SLC39A10: variants seen among roughly 807,000 people sequenced by gnomAD.
SLC39A10 encodes the protein solute carrier family 39 member 10.
Under a neutral mutation model 65.1 loss-of-function variants are expected in SLC39A10, and 13 were observed. The ratio of observed to expected loss-of-function variants is 0.20; its 90% CI spans 0.13 to 0.32. The LOEUF (loss-of-function observed/expected upper bound fraction) is 0.32, where lower values mean the gene tolerates loss of function less well. Ranked by LOEUF, SLC39A10 falls within the 10% of genes least tolerant of loss-of-function variation. SLC39A10 has a pLI of 1.00. For missense variants in SLC39A10, 831 were observed against 1,018.4 expected, an observed-to-expected ratio of 0.82 and a Z score of 2.50; for synonymous variants, 321 against 342.2, an observed-to-expected ratio of 0.94 and a Z score of 0.68.
intron 2 of SLC39A10, among the ~76,000 whole-genome samples, chr2:195,642,317 T>C (rs1688827657): frequency 6.6e-6 from 1 of 152,164 alleles, no homozygotes. Context: ...TGTAACAGAA[T>C]TGTAAGAGAA....
At chr2:195,619,795 G>A (rs6742580) in intron 2 of SLC39A10, among the ~76,000 whole-genome samples, 5,420 of 152,236 alleles carry the variant, frequency 0.036, 230 homozygotes, top group African/African-American at 0.092. Flanking sequence ...GGAAGCATGA[G>A]GTGGTCTTAG....
intron 1 of SLC39A10, among the ~76,000 whole-genome samples, chr2:195,675,344 TTA>T (rs1304336200): frequency 3.9e-5 from 6 of 152,232 alleles, no homozygotes; most frequent in African/African-American, 1.4e-4. Flanking sequence ...TGACTTCTTT[TTA>T]TGTGAAAGTT....
chr2:195,712,188 G>C (rs1691622955), intron 5 of SLC39A10, among the ~76,000 whole-genome samples: 1 of 152,210 alleles, frequency 6.6e-6, no homozygotes, highest in Non-Finnish European at 1.5e-5. Context: ...CTTTCTAGGA[G>C]AGACCAATCT....
intron 2 of SLC39A10, among the ~76,000 whole-genome samples, chr2:195,645,201 G>A (rs922327023): frequency 1.3e-5 from 2 of 151,796 alleles, no homozygotes; most frequent in Non-Finnish European, 2.9e-5. Flanking sequence ...GAGCCACCGC[G>A]CCTGGCCATC....
At chr2:195,629,030 C>G (rs920078063) in intron 2 of SLC39A10, among the ~76,000 whole-genome samples, 16 of 152,146 alleles carry the variant, frequency 1.1e-4, no homozygotes, top group Admixed American at 2.0e-4. Flanking sequence ...ATCTGCCCCT[C>G]CTCCAAATTT....
chr2:195,720,085 C>T (rs945429247), intron 8 of SLC39A10, among the ~76,000 whole-genome samples: 7 of 150,012 alleles, frequency 4.7e-5, no homozygotes, highest in South Asian at 2.1e-4. Context: ...CCACTGCGCC[C>T]GGCCATAATT....
At chr2:195,618,367 A>AAG in intron 2 of SLC39A10, among the ~76,000 whole-genome samples, 1 of 152,004 alleles carries the variant, frequency 6.6e-6, no homozygotes, top group African/African-American at 2.4e-5. Flanking sequence ...AAAAAAAAAA[A>AAG]AGAGAGAGAA....
At position 195,693,742 on chromosome 2, in the gene SLC39A10, A is replaced by G. The variant is rs567033646; in HGVS notation, c.1216+9836A>G. Among the ~76,000 whole-genome samples the G allele has an allele frequency of 4.4e-4, 67 of 152,206 alleles. 1 individual carries two copies. In the East Asian group the frequency reaches 4.4e-3, roughly 10 times the overall value. ...CTATCAATTTTATTTATCTTTTCAA[A>G]AAACCAACTTTTTGTTTCATTTATC... is the stretch of plus-strand genomic sequence containing the variant. On this transcript the variant is annotated intron_variant, in intron 3 of 9. Coordinates refer to ENST00000359634, the MANE Select transcript of SLC39A10 (RefSeq NM_020342.3).
At position 195,736,472 on chromosome 2, in the gene SLC39A10, AATCT is replaced by A. The variant is rs993971727; in HGVS notation, c.*1436_*1439del. ...TGGCAACCAGTGTAGCTGCTGTAAC[AATCT>A]ATCTTATTGTTCAAATATATAAGAG... On this transcript the variant is annotated 3_prime_UTR_variant, in exon 10 of 10. Transcript: ENST00000359634. The A allele has an allele frequency of 1.8e-5, 3 of 163,776 alleles. No individual in the cohort carries two copies. Among genetic ancestry groups the A allele is most frequent in the African/African-American group, 7.2e-5 (3 of 41,440 alleles). The allele number at this position is 163,776 out of a possible 1,614,324, so 10.1% of individuals were successfully genotyped here.
At chr2:195,663,872 G>A (rs1157362606) in intron 1 of SLC39A10, among the ~76,000 whole-genome samples, 1 of 150,446 alleles carries the variant, frequency 6.6e-6, no homozygotes, top group Non-Finnish European at 1.5e-5. Flanking sequence ...GTGTGATGCT[G>A]AAGTTTGGGG....
chr2:195,737,119 CT>C lies in SLC39A10; in HGVS notation c.*2081del, dbSNP rs1437038174. On this transcript the variant is annotated 3_prime_UTR_variant, in exon 10 of 10. Coordinates refer to ENST00000359634, the MANE Select transcript of SLC39A10 (RefSeq NM_020342.3). ...TTCTCTCAAAAATGGTATTATCTTT[CT>C]TTATTTGCTAGATTCTTACAAATCT... 1 of 152,526 alleles carries C rather than the reference CT, an allele frequency of 6.6e-6. No individual in the cohort carries two copies. Among genetic ancestry groups the C allele is most frequent in the Non-Finnish European group, 1.5e-5 (1 of 68,000 alleles). 9.4% of individuals were successfully genotyped at this position (152,526 alleles called of 1,614,324 possible). A position where few individuals can be genotyped will look rare whatever the true frequency, so the allele number is the denominator to read the frequency against.
At chr2:195,630,630 A>G (rs1688566922) in intron 2 of SLC39A10, among the ~76,000 whole-genome samples, 1 of 152,248 alleles carries the variant, frequency 6.6e-6, no homozygotes, top group Non-Finnish European at 1.5e-5. Flanking sequence ...ACAGTGTAAC[A>G]AAAGACTGCA....
chr2:195,659,385 A>G (rs2105726217), intron 1 of SLC39A10, among the ~76,000 whole-genome samples: 1 of 152,306 alleles, frequency 6.6e-6, no homozygotes, highest in South Asian at 2.1e-4. Context: ...ACCTGATTTG[A>G]AGTACTTTGA....
chr2:195,664,074 G>A (rs1689535334), intron 1 of SLC39A10, among the ~76,000 whole-genome samples: 1 of 151,976 alleles, frequency 6.6e-6, no homozygotes, highest in African/African-American at 2.4e-5. Context: ...GTTAAAAATT[G>A]AAAATCAGAA....
At chr2:195,618,509 G>A (rs1321711869) in intron 2 of SLC39A10, among the ~76,000 whole-genome samples, 1 of 152,314 alleles carries the variant, frequency 6.6e-6, no homozygotes, top group East Asian at 1.9e-4. Flanking sequence ...TGTATAGCTA[G>A]ATGGATAGCT....
At chr2:195,624,489 A>G (rs555657286) in intron 2 of SLC39A10, among the ~76,000 whole-genome samples, 1 of 152,204 alleles carries the variant, frequency 6.6e-6, no homozygotes, top group Admixed American at 6.5e-5. Context: ...AAAAAGTAAT[A>G]AAAGAAGGCC....
intron 2 of SLC39A10, among the ~76,000 whole-genome samples, chr2:195,616,750 C>G (rs2105681680): frequency 6.6e-6 from 1 of 150,854 alleles, no homozygotes; most frequent in Middle Eastern, 3.5e-3. Flanking sequence ...ACTACAGGCT[C>G]CCGCCACCAC....
intron 9 of SLC39A10, among the ~76,000 whole-genome samples, chr2:195,734,194 G>A (rs926469638): frequency 6.9e-6 from 1 of 145,948 alleles, no homozygotes; most frequent in Non-Finnish European, 1.5e-5. Flanking sequence ...TTTTTGAGAT[G>A]GAGTTTTGCT....
rs1692312388 is a variant in SLC39A10 at position 195,728,163 on chromosome 2, T to C, written c.2151T>C (p.Asp717=). The C allele has an allele frequency of 6.2e-7, 1 of 1,605,448 alleles. No homozygotes were observed. The change falls in exon 9 of 10, where the codon GAT becomes GAC. Residue 717 remains aspartate (D), a synonymous_variant. Coordinates refer to ENST00000359634, the MANE Select transcript of SLC39A10 (RefSeq NM_020342.3). The surrounding 1 kb of genome is among the most constrained non-coding windows in gnomAD (Gnocchi z 4.4). ...FCHELPHELG[D]FAVLLKAGMT... is the part of the protein sequence containing the mutation. ...CCCATTGTTTCTTAATTGCAGGAGA[T>C]TTTGCAGTTCTTCTTAAAGCAGGCA...
Sources: allele counts gnomAD v4.1 joint callset (sites outside exome capture counted in the v4.1 genomes callset), GRCh38; gene constraint gnomAD v4.1.1; non-coding constraint Gnocchi (gnomAD v3.1); transcripts MANE v1.5; gene names NCBI Gene and HGNC (gene_info 2026-07-23, HGNC 2026-07-21).